Variants in HSPA12B observed in about 807,000 individuals in gnomAD.
The protein encoded by HSPA12B is heat shock protein family A (Hsp70) member 12B, also known as heat shock 70 kDa protein 12B.
A neutral mutation model predicts 69.3 loss-of-function variants in HSPA12B; 54 were observed. The ratio of observed to expected loss-of-function variants is 0.78; its 90% CI spans 0.63 to 0.98. The LOEUF is 0.98. Ranked by LOEUF, HSPA12B falls within the 50% of genes least tolerant of loss-of-function variation. The probability of loss-of-function intolerance (pLI) is 0.00; values close to 1 mark genes in which losing one functional copy is unlikely to be tolerated. For synonymous variants in HSPA12B, 441 were observed against 436.5 expected (o/e 1.01, Z -0.13); for missense variants, 929 against 999.8 (o/e 0.93, Z 0.96).
chr20:3,742,066 C>G (rs2088211366), intron 3 of HSPA12B, among the ~76,000 whole-genome samples: 1 of 151,972 alleles, frequency 6.6e-6, no homozygotes, highest in Non-Finnish European at 1.5e-5. Context: ...CAAACCCTGC[C>G]TGGGGCTACC....
At position 3,751,643 on chromosome 20, in the gene HSPA12B, C is replaced by T. The variant is rs1395252581; in HGVS notation, c.1538C>T (p.Pro513Leu). 1.3e-6 allele frequency: 2 copies of T among 1,525,526 alleles called. No homozygotes were observed. The highest frequency in any genetic ancestry group is 1.8e-6 in the Non-Finnish European group (2 of 1,140,616). The allele number at this position is 1,525,526 out of a possible 1,614,324, so 94.5% of individuals were successfully genotyped here. Residue 513 changes from proline (P) to leucine (L), a missense_variant, in exon 13 of 13, where the codon CCG becomes CTG. Physicochemically the swap from Pro to Leu is moderately conservative, Grantham distance 98 (BLOSUM62 -3). Transcript: ENST00000254963. The part of the protein sequence containing the change: ...LGARGLRVVV[P>L]HDVGLTILKG... ...GCCCGCGGTCTGCGTGTCGTGGTCCCGCACGACGTGGGCCTCACCATCCTC... is the reference window on the plus strand; with the variant it reads ...GCCCGCGGTCTGCGTGTCGTGGTCCTGCACGACGTGGGCCTCACCATCCTC...
Position 3,740,655 on chromosome 20 carries a change from T to C in HSPA12B, c.44-160T>C, listed in dbSNP as rs562551148. Among the ~76,000 whole-genome samples, 43 of 152,274 alleles carry C rather than the reference T, an allele frequency of 2.8e-4. No individual in the cohort carries two copies. In the South Asian group the frequency reaches 8.5e-3, roughly 30 times the overall value. ...ACCCTCAGCTCCTGCCCCTGCGTCA[T>C]GTGTGTCTTTCCTACACCCCGCAGT... On this transcript the variant is annotated intron_variant, in intron 2 of 12. Transcript: ENST00000254963. The surrounding 1 kb of genome is among the most constrained non-coding windows in gnomAD (Gnocchi z 4.9).
chr20:3,749,874 C>A lies in HSPA12B; in HGVS notation c.1042+20C>A. 6.3e-7 allele frequency: 1 copy of A among 1,580,056 alleles called. No individual in the cohort carries two copies. On this transcript the variant is annotated intron_variant, in intron 10 of 12. Coordinates refer to ENST00000254963, the MANE Select transcript of HSPA12B (RefSeq NM_052970.5). This position sits in a 1 kb window ranked among gnomAD's most constrained non-coding sequence, Gnocchi z 5.5. Reference sequence around the variant, plus strand: ...CATCTGGTGAGTAGCCAGGCGGCGCCCCGGTACCCAGCGCGACCCGGGCTC... The same window carrying A: ...CATCTGGTGAGTAGCCAGGCGGCGCACCGGTACCCAGCGCGACCCGGGCTC...
At chr20:3,751,454 TC>T in intron 12 of HSPA12B, 56 bp from the exon 13 acceptor site, 1 of 1,360,200 alleles carries the variant, frequency 7.4e-7, no homozygotes. Flanking sequence ...TGGCTCTCTC[TC>T]CCCCGCCCCT....
chr20:3,752,416 G>T lies in HSPA12B; in HGVS notation c.*250G>T. On this transcript the variant is annotated 3_prime_UTR_variant, in exon 13 of 13. Coordinates refer to ENST00000254963, the MANE Select transcript of HSPA12B (RefSeq NM_052970.5). ...CCCGCCAAGGACTGAACGGGTAAGA[G>T]AAGAGGTTTGCAAGACAGAGCGCGC... 1 of 403,782 alleles carries T rather than the reference G, an allele frequency of 2.5e-6. No homozygotes were observed. The highest frequency in any genetic ancestry group is 4.4e-6 in the Non-Finnish European group (1 of 228,850). The allele number at this position is 403,782 out of a possible 1,614,324, so 25.0% of individuals were successfully genotyped here.
At chr20:3,736,172 C>G (rs1038989913) in intron 1 of HSPA12B, among the ~76,000 whole-genome samples, 4 of 152,204 alleles carry the variant, frequency 2.6e-5, no homozygotes, top group African/African-American at 4.8e-5. Context: ...CTCAGCATCC[C>G]ACTCCATCAT....
At chr20:3,743,141 C>T (rs2088235144) in intron 4 of HSPA12B, among the ~76,000 whole-genome samples, 1 of 150,368 alleles carries the variant, frequency 6.7e-6, no homozygotes, top group Admixed American at 6.6e-5. Context: ...CAGCCTCGGC[C>T]TCCCAGAGTG....
intron 7 of HSPA12B, among the ~76,000 whole-genome samples, chr20:3,747,866 C>A (rs770667065): frequency 6.6e-6 from 1 of 152,270 alleles, no homozygotes; most frequent in Non-Finnish European, 1.5e-5. Flanking sequence ...CAGCGCTCAG[C>A]TGGCCGCTTG....
chr20:3,746,322 T>TTTTTG (rs11474473), intron 7 of HSPA12B, among the ~76,000 whole-genome samples: 1 of 146,944 alleles, frequency 6.8e-6, no homozygotes. Context: ...TTTTTTTTTT[T>TTTTTG]GAGACAGTCT....
intron 12 of HSPA12B, 62 bp downstream of exon 12, chr20:3,750,969 C>T: frequency 2.1e-6 from 3 of 1,396,518 alleles, no homozygotes; most frequent in Non-Finnish European, 3.1e-6. Context: ...CAGAATAATT[C>T]CCCCCCATCA....
chr20:3,750,768 T>C, intron 11 of HSPA12B, 36 bp from the exon 12 acceptor site: 3 of 1,613,316 alleles, frequency 1.9e-6, no homozygotes, highest in Non-Finnish European at 2.5e-6. Flanking sequence ...AGCTGGGCCC[T>C]GACCGATGGA....
chr20:3,744,050 G>T lies in HSPA12B; in HGVS notation c.267-852G>T, dbSNP rs750180911. On this transcript the variant is annotated intron_variant, in intron 4 of 12. Coordinates refer to ENST00000254963, the MANE Select transcript of HSPA12B (RefSeq NM_052970.5). The surrounding 1 kb of genome is among the most constrained non-coding windows in gnomAD (Gnocchi z 4.9). ...AGGACCTTGGGACCTCAAGACCCCA[G>T]TCCTCTGAATATGTCCTAGAGGGTC... Among the ~76,000 whole-genome samples the T allele has an allele frequency of 1.3e-5, 2 of 152,184 alleles. No homozygotes were observed. Among genetic ancestry groups the T allele is most frequent in the Non-Finnish European group, 1.5e-5 (1 of 68,038 alleles).
intron 12 of HSPA12B, chr20:3,751,305 G>A: frequency 1.0e-6 from 1 of 985,490 alleles, no homozygotes; most frequent in Non-Finnish European, 1.2e-6. Flanking sequence ...GAAGTGGGGA[G>A]CGTGAGTGTT....
chr20:3,742,535 C>G lies in HSPA12B; in HGVS notation c.266+127C>G, dbSNP rs1422118334. ...GCCCTGCCACCCCCAGTCTGGGGCTCCCCACTGGGGTAAAAGTTGGAGGAT... is the reference window on the plus strand; with the variant it reads ...GCCCTGCCACCCCCAGTCTGGGGCTGCCCACTGGGGTAAAAGTTGGAGGAT... On this transcript the variant is annotated intron_variant, in intron 4 of 12. Transcript: ENST00000254963. 4.2e-6 allele frequency: 3 copies of G among 714,112 alleles called. No individual in the cohort carries two copies. In the Admixed American group the frequency reaches 8.3e-5, roughly 20 times the overall value. The allele number at this position is 714,112 out of a possible 1,614,324, so 44.2% of individuals were successfully genotyped here. A position where few individuals can be genotyped will look rare whatever the true frequency, so the allele number is the denominator to read the frequency against.
chr20:3,737,673 C>T lies in HSPA12B; in HGVS notation c.-17-985C>T, dbSNP rs935719821. On this transcript the variant is annotated intron_variant, in intron 1 of 12. Coordinates refer to ENST00000254963, the MANE Select transcript of HSPA12B (RefSeq NM_052970.5). This position sits in a 1 kb window ranked among gnomAD's most constrained non-coding sequence, Gnocchi z 4.1. Reference sequence around the variant, plus strand: ...TCTGTTCAGCCTTTAAATGTAGGTTCTCCTCGTGACAGAGTGACACCCTAT... The same window carrying T: ...TCTGTTCAGCCTTTAAATGTAGGTTTTCCTCGTGACAGAGTGACACCCTAT... 2.0e-5 allele frequency among the ~76,000 whole-genome samples: 3 copies of T among 152,126 alleles called. No homozygotes were observed. Among genetic ancestry groups the T allele is most frequent in the East Asian group, 1.9e-4 (1 of 5,192 alleles).
rs1042497636 is a variant in HSPA12B, at chr20:3,745,706, G to A, written c.558+109G>A. 7 of 1,023,526 alleles carry A rather than the reference G, an allele frequency of 6.8e-6. No individual in the cohort carries two copies. Among genetic ancestry groups the A allele is most frequent in the East Asian group, 2.5e-5 (1 of 40,710 alleles). The allele number at this position is 1,023,526 out of a possible 1,614,324, so 63.4% of individuals were successfully genotyped here. ...CGACATTGGATGGGTAGCCACCGCC[G>A]GAGCTCAGAGGTCATCTTCTCCAGT... On this transcript the variant is annotated intron_variant, in intron 6 of 12. Transcript: ENST00000254963. The surrounding 1 kb of genome is among the most constrained non-coding windows in gnomAD (Gnocchi z 5.6).
In HSPA12B at chr20:3,752,297, G is replaced by A. The variant is rs1377372644; in HGVS notation, c.*131G>A. 4 of 904,390 alleles carry A rather than the reference G, an allele frequency of 4.4e-6. No homozygotes were observed. The highest frequency in any genetic ancestry group is 2.2e-5 in the South Asian group (1 of 46,198). The allele number at this position is 904,390 out of a possible 1,614,324, so 56.0% of individuals were successfully genotyped here. On this transcript the variant is annotated 3_prime_UTR_variant, in exon 13 of 13. Transcript: ENST00000254963. ...GCGCCTTTCCACGCCCTCCAGCCCC[G>A]GGGGAGATAAGGTCATGGGAGAGTG...
chr20:3,738,592 A>G, intron 1 of HSPA12B, 66 bp from the exon 2 acceptor site: 1 of 1,436,968 alleles, frequency 7.0e-7, no homozygotes, highest in Non-Finnish European at 9.8e-7. Flanking sequence ...TAAAATAAAT[A>G]AGCATTCAGA....
intron 1 of HSPA12B, among the ~76,000 whole-genome samples, chr20:3,733,826 G>C (rs1420115954): frequency 1.3e-5 from 2 of 152,246 alleles, no homozygotes; most frequent in East Asian, 1.9e-4. Context: ...GAGAGCAGCA[G>C]GCGGAAGAGG....
Sources: gnomAD v4.1 joint callset for allele counts (sites outside exome capture counted in the v4.1 genomes callset) on GRCh38, gnomAD v4.1.1 for gene constraint, Gnocchi (gnomAD v3.1) non-coding constraint, MANE v1.5 for transcripts, NCBI Gene and HGNC (gene_info 2026-07-23, HGNC 2026-07-21) for gene names.